Variants in CENPL observed in about 807,000 individuals in gnomAD.
CENPL encodes interphase centromere complex protein 33.
Under a neutral mutation model 35.2 loss-of-function variants are expected in CENPL, and 20 were observed. That is an observed-to-expected ratio of 0.57 (90% CI 0.40 to 0.83). The LOEUF (loss-of-function observed/expected upper bound fraction) is 0.83, where lower values mean the gene tolerates loss of function less well. Ranked by LOEUF, CENPL falls within the 40% of genes least tolerant of loss-of-function variation. The pLI is 0.00. For missense variants in CENPL, 363 were observed against 395.8 expected, an observed-to-expected ratio of 0.92 and a Z score of 0.70; for synonymous variants, 140 against 140.6, an observed-to-expected ratio of 1.00 and a Z score of 0.03.
chr1:173,802,739 T>G (rs1571956475), intron 5 of CENPL, among the ~76,000 whole-genome samples: 1 of 152,198 alleles, frequency 6.6e-6, no homozygotes, highest in African/African-American at 2.4e-5. Flanking sequence ...ATAATTCACA[T>G]TATTACCAAA....
intron 5 of CENPL, among the ~76,000 whole-genome samples, chr1:173,802,496 A>T (rs1270002788): frequency 6.6e-6 from 1 of 152,078 alleles, no homozygotes; most frequent in Non-Finnish European, 1.5e-5. Flanking sequence ...GTGAGCCACC[A>T]TGCCTGGCCT....
intron 4 of CENPL, chr1:173,806,360 T>C: frequency 1.9e-5 from 7 of 362,956 alleles, no homozygotes; most frequent in Non-Finnish European, 3.9e-5. Context: ...CCAAGGTGGG[T>C]GGATCACTTG....
At chr1:173,807,034 A>T (rs1047072580) in intron 4 of CENPL, among the ~76,000 whole-genome samples, 15 of 152,328 alleles carry the variant, frequency 9.8e-5, no homozygotes, top group Admixed American at 2.6e-4. Flanking sequence ...TTTCAAGACT[A>T]TATAGATACA....
At chr1:173,805,345 T>A (rs1415929463) in intron 4 of CENPL, among the ~76,000 whole-genome samples, 1 of 152,038 alleles carries the variant, frequency 6.6e-6, no homozygotes, top group Non-Finnish European at 1.5e-5. Context: ...GGTGAAACCC[T>A]GTCTCTATAA....
chr1:173,822,715 T>G (rs766017952), intron 2 of CENPL: 7 of 152,146 alleles, frequency 4.6e-5, no homozygotes, highest in Non-Finnish European at 8.8e-5. Flanking sequence ...AAAGTTAACT[T>G]TGTTAACTTT....
chr1:173,803,578 G>A, intron 4 of CENPL, 73 bp from the exon 5 acceptor site: 3 of 1,362,758 alleles, frequency 2.2e-6, no homozygotes, highest in South Asian at 3.1e-5. Flanking sequence ...CTCAAAATTA[G>A]TTCATTAAAA....
rs1415963748 is a variant in CENPL at position 173,800,319 on chromosome 1, C to T, written c.*129G>A. The stretch of plus-strand genomic sequence containing the variant: ...CTTCTTGGCTTCCATCTTGGCAACT[C>T]CAAAGGCATGGTGGGGAAAACAGAT... On this transcript the variant is annotated 3_prime_UTR_variant, in exon 6 of 6. Transcript: ENST00000682279. 2 of 523,292 alleles carry T rather than the reference C, an allele frequency of 3.8e-6. No individual in the cohort carries two copies. The highest frequency in any genetic ancestry group is 6.1e-5 in the East Asian group (2 of 32,662). 32.4% of individuals were successfully genotyped at this position (523,292 alleles called of 1,614,324 possible).
intron 2 of CENPL, among the ~76,000 whole-genome samples, chr1:173,811,799 C>T (rs1490613288): frequency 6.6e-6 from 1 of 152,264 alleles, no homozygotes; most frequent in East Asian, 1.9e-4. Context: ...ACTGGTTCAT[C>T]TCACTGGGAC....
intron 3 of CENPL, 21 bp downstream of exon 3, chr1:173,811,110 CA>C: frequency 6.2e-7 from 1 of 1,602,884 alleles, no homozygotes; most frequent in Non-Finnish European, 8.5e-7. Context: ...TTGACTAACA[CA>C]AAGGGACACA....
chr1:173,802,860 A>G (rs1649876137), intron 5 of CENPL, 103 bp downstream of exon 5: 1 of 743,890 alleles, frequency 1.3e-6, no homozygotes, highest in African/African-American at 1.8e-5. Context: ...TGTCTTGAAT[A>G]CATTCAAGTG....
At chr1:173,822,444 G>T (rs568200401) in intron 2 of CENPL, 16 of 151,926 alleles carry the variant, frequency 1.1e-4, no homozygotes, top group Admixed American at 9.2e-4. Context: ...ATTCTACATA[G>T]GAAAATAATC....
chr1:173,800,620 C>A, intron 5 of CENPL, 101 bp from the exon 6 acceptor site: 1 of 571,166 alleles, frequency 1.8e-6, no homozygotes, highest in Non-Finnish European at 3.2e-6. Flanking sequence ...GGTTTAACTT[C>A]TAGATTTAAT....
rs1649621668 is a variant in CENPL at position 173,800,181 on chromosome 1, G to T, written c.*267C>A. 2 of 237,250 alleles carry T rather than the reference G, an allele frequency of 8.4e-6. No individual in the cohort carries two copies. The highest frequency in any genetic ancestry group is 8.2e-6 in the Non-Finnish European group (1 of 121,384). 14.7% of individuals were successfully genotyped at this position (237,250 alleles called of 1,614,324 possible). Reference sequence around the variant, plus strand: ...AGCCTATATATATATATTTAAAGATGACAAGAAATTAACAACTCAGCATTT... The same window carrying T: ...AGCCTATATATATATATTTAAAGATTACAAGAAATTAACAACTCAGCATTT... On this transcript the variant is annotated 3_prime_UTR_variant, in exon 6 of 6. Transcript: ENST00000682279.
intron 2 of CENPL, among the ~76,000 whole-genome samples, chr1:173,819,760 C>T (rs976736238): frequency 2.0e-5 from 3 of 152,044 alleles, no homozygotes; most frequent in Non-Finnish European, 2.9e-5. Flanking sequence ...GGCGCGATCT[C>T]GGCTCACTGC....
At chr1:173,805,509 C>CA (rs1409340810) in intron 4 of CENPL, among the ~76,000 whole-genome samples, 8,669 of 78,022 alleles carry the variant, frequency 0.11, 772 homozygotes, top group African/African-American at 0.3. Flanking sequence ...GAAGCTGTCT[C>CA]AAAAAAAAAA....
Position 173,803,001 on chromosome 1 carries a change from T to C in CENPL, c.925A>G (p.Thr309Ala). 6.2e-7 allele frequency: 1 copy of C among 1,613,320 alleles called. No homozygotes were observed. Among genetic ancestry groups the C allele is most frequent in the Non-Finnish European group, 8.5e-7 (1 of 1,179,362 alleles). ...LSATRLVRVS[T>A]SVASAHTDGK... ...TCAGTATGTGCTGAAGCTACAGATG[T>C]TGAAACACGAACTAATCTTGTGGCT... Residue 309 changes from threonine (T) to alanine (A), a missense_variant, in exon 5 of 6, where the codon ACA (threonine) becomes GCA (alanine). Physicochemically the swap from Thr to Ala is moderately conservative, Grantham distance 58. Transcript: ENST00000682279.
At chr1:173,807,593 A>G (rs1231831271) in intron 3 of CENPL, 75 bp from the exon 4 acceptor site, 3 of 1,205,652 alleles carry the variant, frequency 2.5e-6, no homozygotes, top group Non-Finnish European at 3.4e-6. Flanking sequence ...CATTTAAAAC[A>G]TCTAATACAA....
intron 5 of CENPL, 91 bp downstream of exon 5, chr1:173,802,872 G>T: frequency 1.2e-6 from 1 of 829,446 alleles, no homozygotes; most frequent in Non-Finnish European, 1.9e-6. Context: ...ATTCAAGTGT[G>T]TTTCTTCAAT....
intron 3 of CENPL, among the ~76,000 whole-genome samples, chr1:173,808,272 T>C (rs981352886): frequency 1.3e-5 from 2 of 151,914 alleles, no homozygotes; most frequent in Admixed American, 6.6e-5. Flanking sequence ...AAGCCAGGCA[T>C]GGTGGTGTGC....
Sources: gnomAD v4.1 joint callset for allele counts (sites outside exome capture counted in the v4.1 genomes callset) on GRCh38, gnomAD v4.1.1 for gene constraint, MANE v1.5 for transcripts, NCBI Gene and HGNC (gene_info 2026-07-23, HGNC 2026-07-21) for gene names.